MAP3K5: variants seen among roughly 807,000 people sequenced by gnomAD.
The protein encoded by MAP3K5 is ASK-1.
A neutral mutation model predicts 158.7 loss-of-function variants in MAP3K5; 56 were observed. That is an observed-to-expected ratio of 0.35 (90% CI 0.28 to 0.44). MAP3K5 has a LOEUF of 0.44. Ranked by LOEUF, MAP3K5 falls within the 20% of genes least tolerant of loss-of-function variation. The probability of loss-of-function intolerance (pLI) is 1.00; values close to 1 mark genes in which losing one functional copy is unlikely to be tolerated. For missense variants in MAP3K5, 1,294 were observed against 1,674.8 expected, an observed-to-expected ratio of 0.77 and a Z score of 3.97; for synonymous variants, 579 against 601.7, an observed-to-expected ratio of 0.96 and a Z score of 0.55.
chr6:136,622,709 G>A, intron 15 of MAP3K5, 139 bp downstream of exon 15: 1 of 898,310 alleles, frequency 1.1e-6, no homozygotes, highest in Non-Finnish European at 1.7e-6. Flanking sequence ...TGATGCAGCA[G>A]CGAAACCTCA....
intron 7 of MAP3K5, among the ~76,000 whole-genome samples, chr6:136,681,564 T>C (rs1779934335): frequency 6.6e-6 from 1 of 151,944 alleles, no homozygotes; most frequent in South Asian, 2.1e-4. Flanking sequence ...ACCCAGGAGG[T>C]TGAGGCTGCA....
intron 1 of MAP3K5, among the ~76,000 whole-genome samples, chr6:136,761,764 T>C (rs1421588154): frequency 1.3e-5 from 2 of 152,092 alleles, no homozygotes; most frequent in African/African-American, 4.8e-5. Context: ...CCACAGCTGG[T>C]CAGGAGCCCA....
intron 8 of MAP3K5, among the ~76,000 whole-genome samples, chr6:136,666,679 AC>A (rs1364031368): frequency 6.6e-6 from 1 of 152,212 alleles, no homozygotes; most frequent in Non-Finnish European, 1.5e-5. Context: ...TAATCCTCTT[AC>A]CATATAAAAA....
At chr6:136,721,674 G>C (rs572029755) in intron 1 of MAP3K5, among the ~76,000 whole-genome samples, 5 of 152,110 alleles carry the variant, frequency 3.3e-5, no homozygotes, top group South Asian at 2.1e-4. Context: ...TCAGCATCTC[G>C]AACATGCTCC....
At chr6:136,708,948 C>A (rs1389138702) in intron 2 of MAP3K5, among the ~76,000 whole-genome samples, 1 of 152,158 alleles carries the variant, frequency 6.6e-6, no homozygotes, top group African/African-American at 2.4e-5. Flanking sequence ...TCCGTCCTCT[C>A]TGTGCAGCAT....
intron 14 of MAP3K5, among the ~76,000 whole-genome samples, chr6:136,623,434 G>GA (rs910024320): frequency 4.6e-5 from 7 of 152,142 alleles, no homozygotes; most frequent in African/African-American, 1.4e-4. Flanking sequence ...TGGGTAAGAA[G>GA]AAAATGTTGA....
Position 136,764,891 on chromosome 6 carries a change from T to G in MAP3K5, c.448+26819A>C, listed in dbSNP as rs113750682. Among the ~76,000 whole-genome samples, 844 of 152,332 alleles carry G rather than the reference T, an allele frequency of 5.5e-3. 6 individuals are homozygous for G. Among genetic ancestry groups the G allele is most frequent in the African/African-American group, 0.019 (803 of 41,566 alleles). On this transcript the variant is annotated intron_variant, in intron 1 of 29. Transcript: ENST00000359015. ...GCCCTAATTGATGTGTTTGTCTCACTGCATCTCAGAAGCTGGGACAAGTGA... is the reference window on the plus strand; with the variant it reads ...GCCCTAATTGATGTGTTTGTCTCACGGCATCTCAGAAGCTGGGACAAGTGA...
intron 21 of MAP3K5, 156 bp from the exon 22 acceptor site, chr6:136,592,770 T>A: frequency 1.4e-6 from 1 of 737,350 alleles, no homozygotes; most frequent in East Asian, 2.7e-5. Context: ...GTGTTATGAC[T>A]GCCTCCCTTG....
intron 8 of MAP3K5, among the ~76,000 whole-genome samples, chr6:136,664,846 G>A (rs892515739): frequency 2.0e-5 from 3 of 152,134 alleles, no homozygotes; most frequent in Non-Finnish European, 4.4e-5. Flanking sequence ...CATGAGAATC[G>A]CTTGAACCTG....
At position 136,698,558 on chromosome 6, in the gene MAP3K5, A is replaced by C; in HGVS notation, c.737T>G (p.Leu246Arg). The change falls in exon 4 of 30, where the codon CTT (leucine) becomes CGT (arginine). Residue 246 changes from leucine (L) to arginine (R), a missense_variant. By Grantham distance (102) the Leu-to-Arg change is moderately radical (BLOSUM62 -2). Transcript: ENST00000359015. ...CACAAGAGGTAAGCAGATGGGTCCA[A>C]GAAGCAGCTCGAAGTTCGGTTGCAT... Reference protein sequence around the residue: ...ELMQPNFELLLGPICLPLVDR... With the variant: ...ELMQPNFELLRGPICLPLVDR... 1.2e-6 allele frequency: 2 copies of C among 1,614,112 alleles called. No individual in the cohort carries two copies. Among genetic ancestry groups the C allele is most frequent in the Non-Finnish European group, 8.5e-7 (1 of 1,179,988 alleles).
intron 12 of MAP3K5, among the ~76,000 whole-genome samples, chr6:136,641,190 A>G (rs535760845): frequency 6.6e-6 from 1 of 152,344 alleles, no homozygotes; most frequent in South Asian, 2.1e-4. Context: ...ATATATAATG[A>G]GTCAGTCCAT....
intron 25 of MAP3K5, among the ~76,000 whole-genome samples, chr6:136,571,627 C>T (rs186684340): frequency 1.1e-4 from 17 of 152,184 alleles, no homozygotes; most frequent in Admixed American, 1.3e-4. Flanking sequence ...TATGTATACA[C>T]CACATTTTGT....
chr6:136,560,087 T>C (rs1476047305), intron 28 of MAP3K5, among the ~76,000 whole-genome samples: 4 of 149,278 alleles, frequency 2.7e-5, no homozygotes, highest in African/African-American at 1.0e-4. Context: ...CAAAACAATA[T>C]TGTATTAAGA....
At chr6:136,688,703 C>T (rs78833624) in intron 7 of MAP3K5, among the ~76,000 whole-genome samples, 2,904 of 152,218 alleles carry the variant, frequency 0.019, 93 homozygotes, top group African/African-American at 0.066. Context: ...CTTGAAAGCT[C>T]TCAGTCTTCT....
chr6:136,612,377 T>C (rs1409698382), intron 17 of MAP3K5, among the ~76,000 whole-genome samples: 5 of 152,220 alleles, frequency 3.3e-5, no homozygotes, highest in African/African-American at 9.6e-5. Context: ...GGTTAGAGCT[T>C]GTTGCTATTT....
intron 2 of MAP3K5, among the ~76,000 whole-genome samples, chr6:136,716,414 T>C (rs1237258719): frequency 6.6e-6 from 1 of 152,134 alleles, no homozygotes; most frequent in Non-Finnish European, 1.5e-5. Flanking sequence ...AGTAGCATTG[T>C]TTAAAGTGAG....
chr6:136,734,494 C>T (rs955073625), intron 1 of MAP3K5, among the ~76,000 whole-genome samples: 1 of 150,432 alleles, frequency 6.6e-6, no homozygotes, highest in Non-Finnish European at 1.5e-5. Flanking sequence ...TGTATCGCCA[C>T]GGCAAACTAT....
chr6:136,735,541 C>G (rs2114848354), intron 1 of MAP3K5, among the ~76,000 whole-genome samples: 1 of 152,234 alleles, frequency 6.6e-6, no homozygotes, highest in South Asian at 2.1e-4. Flanking sequence ...AAAAATGTAG[C>G]ATGATAGGCC....
At chr6:136,641,420 T>G (rs913682807) in intron 12 of MAP3K5, among the ~76,000 whole-genome samples, 1 of 152,208 alleles carries the variant, frequency 6.6e-6, no homozygotes, top group Non-Finnish European at 1.5e-5. Context: ...CACATCTAAT[T>G]TGGTTTGAAA....
Sources: allele counts gnomAD v4.1 joint callset (sites outside exome capture counted in the v4.1 genomes callset), GRCh38; gene constraint gnomAD v4.1.1; transcripts MANE v1.5; gene names NCBI Gene and HGNC (gene_info 2026-07-23, HGNC 2026-07-21).